TLL1: variants seen among roughly 807,000 people sequenced by gnomAD.
The protein encoded by TLL1 is tolloid like 1.
In TLL1, 49 loss-of-function variants were observed where a neutral mutation model predicts 128.2. That is an observed-to-expected ratio of 0.38 (90% CI 0.30 to 0.48). The LOEUF (loss-of-function observed/expected upper bound fraction) is 0.48, where lower values mean the gene tolerates loss of function less well. Among genes scored for constraint, TLL1 ranks in the 20% least tolerant of loss-of-function variants. The pLI, the probability that TLL1 is intolerant of heterozygous loss-of-function variation, is 0.96. For synonymous variants in TLL1, 454 were observed against 418.8 expected, an observed-to-expected ratio of 1.08 and a Z score of -1.03; for missense variants, 1,123 against 1,242.0, an observed-to-expected ratio of 0.90 and a Z score of 1.44.
chr4:165,945,257 A>G (rs1579521825), intron 1 of TLL1, among the ~76,000 whole-genome samples: 1 of 151,592 alleles, frequency 6.6e-6, no homozygotes, highest in East Asian at 1.9e-4. Flanking sequence ...AGTAGGATTT[A>G]TTAAGTAGGA....
chr4:165,893,043 A>G (rs1490444443), intron 1 of TLL1, among the ~76,000 whole-genome samples: 2 of 152,220 alleles, frequency 1.3e-5, no homozygotes, highest in Non-Finnish European at 2.9e-5. Context: ...CTATCACTCT[A>G]TAGGCACATT....
chr4:166,054,303 G>T (rs1009361726), intron 12 of TLL1, among the ~76,000 whole-genome samples: 1 of 152,086 alleles, frequency 6.6e-6, no homozygotes, highest in African/African-American at 2.4e-5. Flanking sequence ...CATATTATCA[G>T]ATTTTCGTTT....
At chr4:166,040,243 G>T (rs370783306) in intron 10 of TLL1, among the ~76,000 whole-genome samples, 3 of 152,110 alleles carry the variant, frequency 2.0e-5, no homozygotes, top group Admixed American at 6.6e-5. Flanking sequence ...CTACTGAATG[G>T]GCACAATTGT....
Position 166,078,090 on chromosome 4 carries a change from G to A in TLL1, c.2442+60G>A, listed in dbSNP as rs1459798278. 7 of 1,606,834 alleles carry A rather than the reference G, an allele frequency of 4.4e-6. No homozygotes were observed. In the East Asian group the frequency reaches 1.6e-4, roughly 36 times the overall value. ...TGACTGCCCTTGTCTTTCACTACAA[G>A]CACTTGGAAATAAAATGGAGGTTTA... On this transcript the variant is annotated intron_variant, in intron 18 of 20. Transcript: ENST00000061240.
chr4:165,957,956 C>T (rs1413562745), intron 1 of TLL1, among the ~76,000 whole-genome samples: 7 of 148,280 alleles, frequency 4.7e-5, no homozygotes, highest in South Asian at 4.4e-4. Flanking sequence ...TGAGAACATG[C>T]GGTGTTTGGT....
intron 18 of TLL1, among the ~76,000 whole-genome samples, chr4:166,078,783 C>T (rs1741152820): frequency 6.6e-6 from 1 of 152,082 alleles, no homozygotes; most frequent in Admixed American, 6.6e-5. Flanking sequence ...GAAGGCAGTG[C>T]CAACTAACAA....
intron 18 of TLL1, among the ~76,000 whole-genome samples, chr4:166,086,729 A>G (rs2654490): frequency 0.92 from 139,738 of 152,156 alleles, 64,623 homozygotes; most frequent in East Asian, 0.99. Flanking sequence ...CAGGATTCAA[A>G]GGGAGGAGAA....
At chr4:165,976,447 G>A (rs1007170124) in intron 1 of TLL1, among the ~76,000 whole-genome samples, 12 of 152,120 alleles carry the variant, frequency 7.9e-5, no homozygotes, top group Non-Finnish European at 1.6e-4. Flanking sequence ...ACCAAAATAA[G>A]TTGAACTATG....
chr4:166,074,778 G>A (rs926492369), intron 16 of TLL1, 100 bp from the exon 17 acceptor site: 1 of 1,439,406 alleles, frequency 6.9e-7, no homozygotes, highest in Non-Finnish European at 9.7e-7. Context: ...CCATGACTTA[G>A]TTTACCCTTT....
chr4:166,009,958 A>G (rs1560808667), intron 7 of TLL1, among the ~76,000 whole-genome samples: 2 of 151,338 alleles, frequency 1.3e-5, no homozygotes, highest in African/African-American at 2.4e-5. Flanking sequence ...TAAACTCTAT[A>G]CCTATTAAAC....
chr4:165,983,732 GTTTC>G (rs1177653925), intron 1 of TLL1, among the ~76,000 whole-genome samples: 5 of 151,872 alleles, frequency 3.3e-5, no homozygotes, highest in South Asian at 2.1e-4. Context: ...TGTTTGGACA[GTTTC>G]TTTCTTTATT....
intron 1 of TLL1, among the ~76,000 whole-genome samples, chr4:165,899,516 A>G (rs1341805894): frequency 6.6e-6 from 1 of 152,086 alleles, no homozygotes; most frequent in Non-Finnish European, 1.5e-5. Flanking sequence ...TTCTGTTTCC[A>G]TGTATTTGTG....
intron 1 of TLL1, among the ~76,000 whole-genome samples, chr4:165,888,404 A>T (rs1731254904): frequency 6.6e-6 from 1 of 152,180 alleles, no homozygotes; most frequent in Admixed American, 6.6e-5. Flanking sequence ...GGATGAAGAC[A>T]ATTTAGGCAT....
chr4:165,886,895 G>T (rs1345735523), intron 1 of TLL1, among the ~76,000 whole-genome samples: 1 of 152,168 alleles, frequency 6.6e-6, no homozygotes, highest in African/African-American at 2.4e-5. Context: ...TGACATTTAA[G>T]CTGGATCTTG....
intron 16 of TLL1, 63 bp downstream of exon 16, chr4:166,065,926 G>T (rs931333143): frequency 6.5e-7 from 1 of 1,534,710 alleles, no homozygotes; most frequent in Non-Finnish European, 9.0e-7. Flanking sequence ...GGATTAAATT[G>T]TATGTGATCT....
intron 1 of TLL1, among the ~76,000 whole-genome samples, chr4:165,961,643 CAG>C (rs1184621892): frequency 2.0e-5 from 3 of 152,154 alleles, no homozygotes; most frequent in African/African-American, 7.2e-5. Context: ...TGGAATAGAG[CAG>C]AGAACCCAGA....
intron 1 of TLL1, among the ~76,000 whole-genome samples, chr4:165,908,688 A>T (rs191856653): frequency 6.6e-6 from 1 of 152,222 alleles, no homozygotes; most frequent in African/African-American, 2.4e-5. Context: ...AGAGGGACTC[A>T]ACTTTTAGCT....
At chr4:165,931,968 G>T (rs72970174) in intron 1 of TLL1, among the ~76,000 whole-genome samples, 1 of 152,166 alleles carries the variant, frequency 6.6e-6, no homozygotes, top group Admixed American at 6.5e-5. Context: ...GTGAGTAGAA[G>T]CCCTAGTGGG....
intron 1 of TLL1, among the ~76,000 whole-genome samples, chr4:165,886,792 A>G (rs775089114): frequency 6.6e-6 from 1 of 152,076 alleles, no homozygotes; most frequent in African/African-American, 2.4e-5. Flanking sequence ...AATATTTTCC[A>G]TCTGTAGTTG....
Sources: gnomAD v4.1 joint callset for allele counts (sites outside exome capture counted in the v4.1 genomes callset) on GRCh38, gnomAD v4.1.1 for gene constraint, MANE v1.5 for transcripts, NCBI Gene and HGNC (gene_info 2026-07-23, HGNC 2026-07-21) for gene names.